The following CNTNAP2 variants were observed in gnomAD, a reference collection of about 807,000 sequenced individuals.
CNTNAP2 encodes the protein contactin associated protein 2.
In CNTNAP2, 98 loss-of-function variants were observed where a neutral mutation model predicts 155.2. The observed-to-expected ratio is 0.63, with a 90% CI of 0.54 to 0.75. The LOEUF (loss-of-function observed/expected upper bound fraction) is 0.75. Ranked by LOEUF, CNTNAP2 falls within the 30% of genes least tolerant of loss-of-function variation. The pLI, the probability that CNTNAP2 is intolerant of heterozygous loss-of-function variation, is 0.00. For missense variants in CNTNAP2, 1,727 were observed against 1,688.1 expected (o/e 1.02, Z -0.40); for synonymous variants, 651 against 631.2 (o/e 1.03, Z -0.47).
intron 15 of CNTNAP2, among the ~76,000 whole-genome samples, chr7:148,112,414 A>G (rs549935369): frequency 5.1e-5 from 7 of 136,256 alleles, no homozygotes; most frequent in Non-Finnish European, 9.5e-5. Flanking sequence ...GCTAAATTTT[A>G]GTATTATTAT....
intron 14 of CNTNAP2, among the ~76,000 whole-genome samples, chr7:147,967,389 G>A (rs933109261): frequency 2.6e-5 from 4 of 151,964 alleles, no homozygotes; most frequent in Non-Finnish European, 5.9e-5. Context: ...TTTTTTTCTA[G>A]CTCAGCTATT....
At chr7:148,107,081 C>T (rs568224363) in intron 15 of CNTNAP2, among the ~76,000 whole-genome samples, 3 of 152,168 alleles carry the variant, frequency 2.0e-5, no homozygotes, top group African/African-American at 7.2e-5. Flanking sequence ...TAGACTTGTT[C>T]CCACCCTCCA....
chr7:147,788,180 C>T lies in CNTNAP2; in HGVS notation c.2099-115385C>T, dbSNP rs150450585. Among the ~76,000 whole-genome samples the T allele has an allele frequency of 4.2e-3, 640 of 152,312 alleles. 6 individuals are homozygous for T. The highest frequency in any genetic ancestry group is 0.015 in the African/African-American group (603 of 41,576). On this transcript the variant is annotated intron_variant, in intron 13 of 23. Coordinates refer to ENST00000361727, the MANE Select transcript of CNTNAP2 (RefSeq NM_014141.6). Reference sequence around the variant, plus strand: ...AATTATTTGCTGCATATTTAAGAGACTCACAACTAAATGTAGAGTTTTAAA... The same window carrying T: ...AATTATTTGCTGCATATTTAAGAGATTCACAACTAAATGTAGAGTTTTAAA...
intron 13 of CNTNAP2, among the ~76,000 whole-genome samples, chr7:147,794,957 T>C (rs1423682175): frequency 6.6e-6 from 1 of 151,934 alleles, no homozygotes; most frequent in Admixed American, 6.5e-5. Flanking sequence ...TTGATTTTAG[T>C]AGTTTGAGTC....
chr7:146,793,802 T>C (rs554827749), intron 2 of CNTNAP2, among the ~76,000 whole-genome samples: 7 of 152,198 alleles, frequency 4.6e-5, no homozygotes, highest in African/African-American at 9.6e-5. Flanking sequence ...TGTCAAGAAG[T>C]ATATGTTAGA....
In CNTNAP2 at chr7:146,218,369, C is replaced by T. The variant is rs1247818585; in HGVS notation, c.97+101396C>T. On this transcript the variant is annotated intron_variant, in intron 1 of 23. Transcript: ENST00000361727. Reference sequence around the variant, plus strand: ...CTAAAAATACAAAAAATTAGCCGGGCGTGGTGGCGGGCGCCCGTAGTCCCA... The same window carrying T: ...CTAAAAATACAAAAAATTAGCCGGGTGTGGTGGCGGGCGCCCGTAGTCCCA... Among the ~76,000 whole-genome samples the T allele has an allele frequency of 5.3e-5, 8 of 152,006 alleles. No individual in the cohort carries two copies. The South Asian group carries it at 8.3e-4, about 16-fold the overall frequency.
At chr7:147,794,535 G>A (rs754770818) in intron 13 of CNTNAP2, among the ~76,000 whole-genome samples, 1 of 151,696 alleles carries the variant, frequency 6.6e-6, no homozygotes, top group Admixed American at 6.6e-5. Context: ...TCCTGGGTTT[G>A]ATTTGCTAGC....
At chr7:147,166,555 G>T (rs1389191237) in intron 8 of CNTNAP2, among the ~76,000 whole-genome samples, 1 of 152,124 alleles carries the variant, frequency 6.6e-6, no homozygotes, top group Non-Finnish European at 1.5e-5. Flanking sequence ...AAAATGTTAA[G>T]TTTCTTGTGC....
chr7:147,510,850 C>CACATATATATATATATATAT lies in CNTNAP2; in HGVS notation c.1777+24810_1777+24811insCATATATATATATATATATA, dbSNP rs1554400056. Among the ~76,000 whole-genome samples, 15 of 76,400 alleles carry CACATATATATATATATATAT rather than the reference C, an allele frequency of 2.0e-4. No individual in the cohort carries two copies. In the South Asian group the frequency reaches 6.7e-3, roughly 34 times the overall value. 50.1% of individuals were successfully genotyped at this position (76,400 alleles called of 152,430 possible). Reference sequence around the variant, plus strand: ...AGTGCTCCTGTGATGGGCCTACAACCATATATATATATATATATATAATGC... The same window carrying CACATATATATATATATATAT: ...AGTGCTCCTGTGATGGGCCTACAACCACATATATATATATATATATATATATATATATATATATATAATGC... On this transcript the variant is annotated intron_variant, in intron 11 of 23. Transcript: ENST00000361727.
intron 12 of CNTNAP2, among the ~76,000 whole-genome samples, chr7:147,607,960 G>C (rs1801104026): frequency 6.6e-6 from 1 of 152,204 alleles, no homozygotes; most frequent in Middle Eastern, 3.4e-3. Context: ...GACCCTAGCA[G>C]GTGCCTGAAA....
intron 8 of CNTNAP2, among the ~76,000 whole-genome samples, chr7:147,176,655 T>C (rs1802344803): frequency 1.4e-5 from 2 of 140,404 alleles, no homozygotes; most frequent in Admixed American, 1.5e-4. Flanking sequence ...TATAATATAA[T>C]AGAATTATAT....
chr7:146,864,314 A>T (rs1338727926), intron 3 of CNTNAP2, among the ~76,000 whole-genome samples: 1 of 152,168 alleles, frequency 6.6e-6, no homozygotes, highest in Admixed American at 6.5e-5. Flanking sequence ...TTAAAAAATC[A>T]GTAATGCAAA....
chr7:147,505,054 A>G (rs977400223), intron 11 of CNTNAP2, among the ~76,000 whole-genome samples: 12 of 152,104 alleles, frequency 7.9e-5, no homozygotes, highest in Non-Finnish European at 1.8e-4. Flanking sequence ...CTAGTATGAT[A>G]TACATCCCCA....
intron 1 of CNTNAP2, among the ~76,000 whole-genome samples, chr7:146,655,230 T>A (rs531478578): frequency 6.6e-6 from 1 of 151,692 alleles, no homozygotes; most frequent in Non-Finnish European, 1.5e-5. Flanking sequence ...CCAACCAACA[T>A]GGCAAAACCC....
chr7:148,226,178 T>C (rs1323032114), intron 19 of CNTNAP2, among the ~76,000 whole-genome samples: 1 of 151,854 alleles, frequency 6.6e-6, no homozygotes, highest in African/African-American at 2.4e-5. Context: ...TAAGTACAGG[T>C]GTTTCTGTAG....
At chr7:147,457,561 T>TA (rs1262784493) in intron 10 of CNTNAP2, among the ~76,000 whole-genome samples, 1 of 150,974 alleles carries the variant, frequency 6.6e-6, no homozygotes, top group Non-Finnish European at 1.5e-5. Flanking sequence ...ATATGAGAGG[T>TA]TTTTTTTCCT....
chr7:146,487,375 A>G (rs1358735597), intron 1 of CNTNAP2, among the ~76,000 whole-genome samples: 1 of 152,262 alleles, frequency 6.6e-6, no homozygotes, highest in Non-Finnish European at 1.5e-5. Flanking sequence ...AAAAACGCTA[A>G]GAAATGAAAT....
At chr7:146,771,497 G>A (rs1369022374) in intron 1 of CNTNAP2, among the ~76,000 whole-genome samples, 1 of 152,100 alleles carries the variant, frequency 6.6e-6, no homozygotes, top group Non-Finnish European at 1.5e-5. Flanking sequence ...AGATGTTTTC[G>A]ATTAATATGA....
chr7:146,393,858 A>T (rs1584904149), intron 1 of CNTNAP2, among the ~76,000 whole-genome samples: 1 of 152,194 alleles, frequency 6.6e-6, no homozygotes, highest in Non-Finnish European at 1.5e-5. Flanking sequence ...AAGAGGCATA[A>T]GCTTAAGCAT....
Sources: allele counts gnomAD v4.1 joint callset (sites outside exome capture counted in the v4.1 genomes callset), GRCh38; gene constraint gnomAD v4.1.1; transcripts MANE v1.5; gene names NCBI Gene and HGNC (gene_info 2026-07-23, HGNC 2026-07-21).